CNOT6: variants seen among roughly 807,000 people sequenced by gnomAD.
CNOT6 encodes the protein carbon catabolite repression 4 protein.
In CNOT6, 12 loss-of-function variants were observed where a neutral mutation model predicts 61.2. That is an observed-to-expected ratio of 0.20 (90% CI 0.13 to 0.32). CNOT6 has a LOEUF of 0.32. Among genes scored for constraint, CNOT6 ranks in the 10% least tolerant of loss-of-function variants. The pLI is 1.00. For missense variants in CNOT6, 405 were observed against 663.9 expected, an observed-to-expected ratio of 0.61 and a Z score of 4.28; for synonymous variants, 225 against 240.6, an observed-to-expected ratio of 0.94 and a Z score of 0.60.
In CNOT6 at chr5:180,577,163, A is replaced by ATTGTGTG. The variant is rs1554104989; in HGVS notation, c.*2964_*2965insTGTGTGT. On this transcript the variant is annotated 3_prime_UTR_variant, in exon 12 of 12. Coordinates refer to ENST00000261951, the MANE Select transcript of CNOT6 (RefSeq NM_001370472.1). ...AGATAGGCAGAGAACATCTCCAGAAATGTGTGTGTGTGTGTGTGTGTGTGT... is the reference window on the plus strand; with the variant it reads ...AGATAGGCAGAGAACATCTCCAGAAATTGTGTGTGTGTGTGTGTGTGTGTGTGTGTGT... The ATTGTGTG allele has an allele frequency of 2.7e-5, 4 of 145,754 alleles. No homozygotes were observed. The highest frequency in any genetic ancestry group is 4.0e-4 in the East Asian group (2 of 4,986). 9.0% of individuals were successfully genotyped at this position (145,754 alleles called of 1,614,324 possible).
At chr5:180,531,869 A>G (rs2127723411) in intron 2 of CNOT6, among the ~76,000 whole-genome samples, 1 of 152,346 alleles carries the variant, frequency 6.6e-6, no homozygotes, top group South Asian at 2.1e-4. Flanking sequence ...CTGCAATCCC[A>G]GGCACTCTGC....
chr5:180,529,191 T>TC, intron 1 of CNOT6, 84 bp from the exon 2 acceptor site: 1 of 748,632 alleles, frequency 1.3e-6, no homozygotes, highest in East Asian at 2.7e-5. Flanking sequence ...GAGTCAGACT[T>TC]CGTCTCAAAA....
At chr5:180,497,688 A>G (rs1756677087) in intron 1 of CNOT6, among the ~76,000 whole-genome samples, 1 of 152,212 alleles carries the variant, frequency 6.6e-6, no homozygotes, top group Non-Finnish European at 1.5e-5. Context: ...CTTTATACCC[A>G]TTACTCATAC....
chr5:180,520,073 A>ATCTGCCTGCC, intron 1 of CNOT6, among the ~76,000 whole-genome samples: 1 of 152,130 alleles, frequency 6.6e-6, no homozygotes, highest in South Asian at 2.1e-4. Context: ...ACCTCAAGTG[A>ATCTGCCTGCC]TCTGCCTGCC....
intron 2 of CNOT6, among the ~76,000 whole-genome samples, chr5:180,537,189 A>T (rs978896670): frequency 5.3e-5 from 8 of 152,244 alleles, no homozygotes; most frequent in African/African-American, 1.7e-4. Flanking sequence ...TTGCTGAATT[A>T]TATGGGAATA....
chr5:180,548,794 C>T (rs115423974), intron 2 of CNOT6, among the ~76,000 whole-genome samples: 13 of 152,230 alleles, frequency 8.5e-5, no homozygotes, highest in Admixed American at 2.0e-4. Context: ...CTCAAGGTCG[C>T]GTTTTCTTCA....
intron 1 of CNOT6, among the ~76,000 whole-genome samples, chr5:180,498,223 T>G (rs10464062): frequency 0.76 from 116,123 of 152,008 alleles, 45,201 homozygotes; most frequent in African/African-American, 0.89. Flanking sequence ...CTCTTCTCTG[T>G]CCTTCACCTC....
At chr5:180,512,754 G>A (rs1299904174) in intron 1 of CNOT6, among the ~76,000 whole-genome samples, 1 of 148,790 alleles carries the variant, frequency 6.7e-6, no homozygotes, top group East Asian at 2.0e-4. Flanking sequence ...GCACCACCAT[G>A]CCCGGCTAAT....
In CNOT6 at chr5:180,508,419, C is replaced by G. The variant is rs117687059; in HGVS notation, c.-3+13656C>G. On this transcript the variant is annotated intron_variant, in intron 1 of 11. Coordinates refer to ENST00000261951, the MANE Select transcript of CNOT6 (RefSeq NM_001370472.1). Reference sequence around the variant, plus strand: ...TTCTGCTACCTGGGCTCAAGCGATTCACCTGCCTCAGCCTCCTGGGTGGCT... The same window carrying G: ...TTCTGCTACCTGGGCTCAAGCGATTGACCTGCCTCAGCCTCCTGGGTGGCT... Among the ~76,000 whole-genome samples the G allele has an allele frequency of 3.6e-3, 552 of 152,252 alleles. 18 individuals are homozygous for G. In the East Asian group the frequency reaches 0.066, roughly 18 times the overall value.
In CNOT6 at chr5:180,576,014, T is replaced by G. The variant is rs1026519959; in HGVS notation, c.*1814T>G. 1.3e-5 allele frequency: 2 copies of G among 152,594 alleles called. No individual in the cohort carries two copies. Among genetic ancestry groups the G allele is most frequent in the African/African-American group, 4.8e-5 (2 of 41,434 alleles). 9.5% of individuals were successfully genotyped at this position (152,594 alleles called of 1,614,324 possible). On this transcript the variant is annotated 3_prime_UTR_variant, in exon 12 of 12. Transcript: ENST00000261951. Reference sequence around the variant, plus strand: ...TGTTTTTTCTAGGATTTCATTGTGATGTTTTGGTTTTGTTTTTTGCTTTTT... The same window carrying G: ...TGTTTTTTCTAGGATTTCATTGTGAGGTTTTGGTTTTGTTTTTTGCTTTTT...
intron 7 of CNOT6, 31 bp from the exon 8 acceptor site, chr5:180,567,057 T>G: frequency 6.3e-7 from 1 of 1,574,964 alleles, no homozygotes; most frequent in East Asian, 2.3e-5. Flanking sequence ...TTTTGTCTTA[T>G]GAAATAACTG....
Position 180,574,767 on chromosome 5 carries a change from A to G in CNOT6, c.*567A>G, listed in dbSNP as rs1173737857. On this transcript the variant is annotated 3_prime_UTR_variant, in exon 12 of 12. Coordinates refer to ENST00000261951, the MANE Select transcript of CNOT6 (RefSeq NM_001370472.1). ...TTTTTAAACCTGTTTCATGTGTTAT[A>G]AAGGCCAGCTTGTAAAAGAAGCTGC... 6.5e-6 allele frequency: 1 copy of G among 154,050 alleles called. No homozygotes were observed. The highest frequency in any genetic ancestry group is 1.4e-5 in the Non-Finnish European group (1 of 69,056). The allele number at this position is 154,050 out of a possible 1,614,324, so 9.5% of individuals were successfully genotyped here.
chr5:180,533,938 G>A (rs1758536493), intron 2 of CNOT6, among the ~76,000 whole-genome samples: 1 of 152,132 alleles, frequency 6.6e-6, no homozygotes, highest in Non-Finnish European at 1.5e-5. Context: ...TGGTGGCATG[G>A]TTCAGGCAAA....
intron 2 of CNOT6, among the ~76,000 whole-genome samples, chr5:180,533,725 T>G (rs944171875): frequency 6.6e-6 from 1 of 152,176 alleles, no homozygotes; most frequent in African/African-American, 2.4e-5. Flanking sequence ...CAGATTGGCT[T>G]CTTTAACTTA....
rs1357950502 is a variant in CNOT6 at position 180,531,154 on chromosome 5, G to GC, written c.112+1772dup. Among the ~76,000 whole-genome samples, 8 of 136,220 alleles carry GC rather than the reference G, an allele frequency of 5.9e-5. 1 individual carries two copies. Among genetic ancestry groups the GC allele is most frequent in the African/African-American group, 1.9e-4 (7 of 37,280 alleles). 89.4% of individuals were successfully genotyped at this position (136,220 alleles called of 152,430 possible). A position where few individuals can be genotyped will look rare whatever the true frequency, so the allele number is the denominator to read the frequency against. On this transcript the variant is annotated intron_variant, in intron 2 of 11. Transcript: ENST00000261951. ...CCAGACCGGGCGGCTGGGCGGAGGCGCCCCCCACCTCCCTCCCAGCTGGGG... is the reference window on the plus strand; with the variant it reads ...CCAGACCGGGCGGCTGGGCGGAGGCGCCCCCCCACCTCCCTCCCAGCTGGGG...
At chr5:180,521,485 G>A (rs1180857332) in intron 1 of CNOT6, among the ~76,000 whole-genome samples, 1 of 152,146 alleles carries the variant, frequency 6.6e-6, no homozygotes, top group Non-Finnish European at 1.5e-5. Context: ...TTTGGGGTGT[G>A]TATATTTTCA....
chr5:180,529,254 A>AT (rs1758239656), intron 1 of CNOT6, 21 bp from the exon 2 acceptor site: 2 of 1,130,454 alleles, frequency 1.8e-6, no homozygotes, highest in Non-Finnish European at 2.7e-6. Context: ...TAGAATACTG[A>AT]TTGGTTTCTT....
In CNOT6 at chr5:180,504,591, G is replaced by GA. The variant is rs1757037783; in HGVS notation, c.-3+9829dup. On this transcript the variant is annotated intron_variant, in intron 1 of 11. Coordinates refer to ENST00000261951, the MANE Select transcript of CNOT6 (RefSeq NM_001370472.1). Reference sequence around the variant, plus strand: ...GGCATAAATATTAAGGTGCTGAAGTGATAAACTAAATGGTGGTTGCTTGTC... The same window carrying GA: ...GGCATAAATATTAAGGTGCTGAAGTGAATAAACTAAATGGTGGTTGCTTGTC... Among the ~76,000 whole-genome samples the GA allele has an allele frequency of 2.0e-5, 3 of 152,294 alleles. No individual in the cohort carries two copies. In the South Asian group the frequency reaches 6.2e-4, roughly 32 times the overall value.
chr5:180,553,632 G>C lies in CNOT6; in HGVS notation c.385+161G>C, dbSNP rs531806634. Among the ~76,000 whole-genome samples, 14 of 152,258 alleles carry C rather than the reference G, an allele frequency of 9.2e-5. No homozygotes were observed. The South Asian group carries it at 2.7e-3, about 29-fold the overall frequency. ...GCAATGGTTTTATCTTCTCTGTTCA[G>C]CTGTAGACTATCTACTAGTCTTTGT... On this transcript the variant is annotated intron_variant, in intron 4 of 11. Transcript: ENST00000261951.
Sources: gnomAD v4.1 joint callset for allele counts (sites outside exome capture counted in the v4.1 genomes callset) on GRCh38, gnomAD v4.1.1 for gene constraint, MANE v1.5 for transcripts, NCBI Gene and HGNC (gene_info 2026-07-23, HGNC 2026-07-21) for gene names.